The following LDB2 variants were observed in gnomAD, a reference collection of about 807,000 sequenced individuals.
LDB2 encodes the protein LIM domain-binding protein 2.
A neutral mutation model predicts 44.3 loss-of-function variants in LDB2; 12 were observed. The ratio of observed to expected loss-of-function variants is 0.27; its 90% CI spans 0.17 to 0.44. The LOEUF is 0.44. LDB2 is among the 20% of genes least tolerant of loss of function. The pLI is 1.00. For synonymous variants in LDB2, 164 were observed against 174.8 expected, an observed-to-expected ratio of 0.94 and a Z score of 0.49; for missense variants, 344 against 473.5, an observed-to-expected ratio of 0.73 and a Z score of 2.54.
intron 1 of LDB2, among the ~76,000 whole-genome samples, chr4:16,776,966 G>A (rs141001043): frequency 2.6e-5 from 4 of 152,316 alleles, no homozygotes; most frequent in Non-Finnish European, 4.4e-5. Context: ...CCCACTAGAG[G>A]CCAATAACAC....
At chr4:16,723,683 G>C (rs1349266846) in intron 2 of LDB2, among the ~76,000 whole-genome samples, 1 of 152,072 alleles carries the variant, frequency 6.6e-6, no homozygotes, top group African/African-American at 2.4e-5. Context: ...TGGACCTTCT[G>C]GATGTTTCTT....
chr4:16,503,784 CA>C (rs1198052437), intron 7 of LDB2, among the ~76,000 whole-genome samples: 4 of 152,202 alleles, frequency 2.6e-5, no homozygotes, highest in Admixed American at 2.6e-4. Context: ...TCCATCTAAT[CA>C]CTCTTTTAAG....
chr4:16,660,096 A>C (rs530519674), intron 2 of LDB2, among the ~76,000 whole-genome samples: 79 of 152,310 alleles, frequency 5.2e-4, no homozygotes, highest in Middle Eastern at 3.4e-3. Flanking sequence ...GTAGATGTAT[A>C]CCACAACACA....
chr4:16,562,591 A>G (rs1742806415), intron 5 of LDB2, among the ~76,000 whole-genome samples: 1 of 152,232 alleles, frequency 6.6e-6, no homozygotes, highest in Non-Finnish European at 1.5e-5. Flanking sequence ...GATGTGGACA[A>G]ATAGGAACAC....
At chr4:16,774,308 G>A (rs1771419577) in intron 1 of LDB2, among the ~76,000 whole-genome samples, 1 of 151,944 alleles carries the variant, frequency 6.6e-6, no homozygotes, top group South Asian at 2.1e-4. Flanking sequence ...CTTCCAACCT[G>A]CAGAAAAGTC....
intron 5 of LDB2, among the ~76,000 whole-genome samples, chr4:16,561,761 A>C (rs1337074120): frequency 6.6e-6 from 1 of 152,248 alleles, no homozygotes; most frequent in African/African-American, 2.4e-5. Flanking sequence ...CGCATCGCCA[A>C]GTCAATCCTA....
intron 2 of LDB2, among the ~76,000 whole-genome samples, chr4:16,720,028 A>G (rs914300527): frequency 1.3e-5 from 2 of 152,112 alleles, no homozygotes; most frequent in African/African-American, 4.8e-5. Context: ...AACTTCAACT[A>G]TTATAATCTC....
At chr4:16,559,691 G>C (rs1225381107) in intron 5 of LDB2, among the ~76,000 whole-genome samples, 3 of 151,992 alleles carry the variant, frequency 2.0e-5, no homozygotes, top group African/African-American at 7.2e-5. Flanking sequence ...CCCAGGAATT[G>C]AACTCAGCTC....
At chr4:16,850,642 C>T (rs207714) in intron 1 of LDB2, among the ~76,000 whole-genome samples, 20,012 of 152,134 alleles carry the variant, frequency 0.13, 1,438 homozygotes, top group Middle Eastern at 0.2. Flanking sequence ...AAGAACTAAC[C>T]CCTAGAATGA....
chr4:16,696,477 CTCTAAGAA>C (rs1426021822), intron 2 of LDB2, among the ~76,000 whole-genome samples: 6 of 152,102 alleles, frequency 3.9e-5, no homozygotes, highest in Admixed American at 2.0e-4. Context: ...AAAAGGTCAG[CTCTAAGAA>C]TCAAAATTAG....
At chr4:16,797,074 C>T (rs1561262214) in intron 1 of LDB2, among the ~76,000 whole-genome samples, 1 of 152,236 alleles carries the variant, frequency 6.6e-6, no homozygotes, top group East Asian at 1.9e-4. Flanking sequence ...GCTAATAATA[C>T]AGTGGTTCCT....
chr4:16,584,904 G>T (rs75041719), intron 5 of LDB2, among the ~76,000 whole-genome samples: 1 of 152,222 alleles, frequency 6.6e-6, no homozygotes, highest in African/African-American at 2.4e-5. Flanking sequence ...TTGCTATAGG[G>T]TGAGTGACCA....
chr4:16,533,369 C>T lies in LDB2; in HGVS notation c.616-21265G>A, dbSNP rs971553219. On this transcript the variant is annotated intron_variant, in intron 5 of 7. Coordinates refer to ENST00000304523, the MANE Select transcript of LDB2 (RefSeq NM_001290.5). This position sits in a 1 kb window ranked among gnomAD's most constrained non-coding sequence, Gnocchi z 4.1. ...CAAAAATGGAAATAATAATAGCTAC[C>T]TCATGGATCTGAGGATACAAAGCAA... is the stretch of plus-strand genomic sequence containing the variant. Among the ~76,000 whole-genome samples, 2 of 152,152 alleles carry T rather than the reference C, an allele frequency of 1.3e-5. No individual in the cohort carries two copies. Among genetic ancestry groups the T allele is most frequent in the African/African-American group, 4.8e-5 (2 of 41,426 alleles).
intron 1 of LDB2, among the ~76,000 whole-genome samples, chr4:16,890,561 C>G (rs1723076863): frequency 6.6e-6 from 1 of 152,152 alleles, no homozygotes; most frequent in African/African-American, 2.4e-5. Context: ...GTGTGGCTAC[C>G]AGGGCATCCA....
chr4:16,516,636 G>A (rs1160892015), intron 5 of LDB2, among the ~76,000 whole-genome samples: 1 of 152,178 alleles, frequency 6.6e-6, no homozygotes, highest in Non-Finnish European at 1.5e-5. Context: ...TCAGCATTGG[G>A]CATGCTATAA....
At position 16,780,512 on chromosome 4, in the gene LDB2, C is replaced by T. The variant is rs114438820; in HGVS notation, c.133-21252G>A. ...TGATGGGATTTCAGGTGTGATCCAC[C>T]GCACCTGGCCAAGATGATTCCTGTT... On this transcript the variant is annotated intron_variant, in intron 1 of 7. Coordinates refer to ENST00000304523, the MANE Select transcript of LDB2 (RefSeq NM_001290.5). Among the ~76,000 whole-genome samples the T allele has an allele frequency of 5.1e-3, 783 of 152,222 alleles. 8 individuals carry two copies. Among genetic ancestry groups the T allele is most frequent in the African/African-American group, 0.017 (726 of 41,540 alleles).
At chr4:16,663,511 A>G (rs1742172877) in intron 2 of LDB2, among the ~76,000 whole-genome samples, 2 of 152,176 alleles carry the variant, frequency 1.3e-5, no homozygotes. Flanking sequence ...ATGGTTGGTG[A>G]CTCAGCCTCC....
intron 5 of LDB2, among the ~76,000 whole-genome samples, chr4:16,512,566 G>A (rs1722210512): frequency 6.6e-6 from 1 of 152,200 alleles, no homozygotes; most frequent in Non-Finnish European, 1.5e-5. Flanking sequence ...TACAATGCTA[G>A]TTTATGCAGA....
intron 5 of LDB2, among the ~76,000 whole-genome samples, chr4:16,577,309 A>T (rs970625013): frequency 2.6e-5 from 4 of 152,186 alleles, no homozygotes; most frequent in Non-Finnish European, 5.9e-5. Context: ...TGTCAATAAC[A>T]TCTTATATTT....
Sources: gnomAD v4.1 joint callset for allele counts (sites outside exome capture counted in the v4.1 genomes callset) on GRCh38, gnomAD v4.1.1 for gene constraint, Gnocchi (gnomAD v3.1) non-coding constraint, MANE v1.5 for transcripts, NCBI Gene and HGNC (gene_info 2026-07-23, HGNC 2026-07-21) for gene names.